The following EXOC6 variants were observed in gnomAD, a reference collection of about 807,000 sequenced individuals.
EXOC6 encodes exocyst complex component 6, also known as SEC15-like 1.
EXOC6 carries 60 observed loss-of-function variants against 112.5 expected under a neutral mutation model. The ratio of observed to expected loss-of-function variants is 0.53; its 90% CI spans 0.43 to 0.66. EXOC6 has a LOEUF of 0.66. Among genes scored for constraint, EXOC6 ranks in the 30% least tolerant of loss-of-function variants. The probability of loss-of-function intolerance (pLI) is 0.00; values close to 1 mark genes in which losing one functional copy is unlikely to be tolerated. For missense variants in EXOC6, 855 were observed against 957.1 expected (o/e 0.89, Z 1.41); for synonymous variants, 295 against 308.0 (o/e 0.96, Z 0.44).
chr10:93,036,874 C>G (rs1046040485), intron 20 of EXOC6, among the ~76,000 whole-genome samples: 1 of 152,154 alleles, frequency 6.6e-6, no homozygotes, highest in African/African-American at 2.4e-5. Flanking sequence ...TTTGTTTCCA[C>G]AGACTGTGCA....
chr10:92,902,807 A>G (rs940815767), intron 5 of EXOC6, among the ~76,000 whole-genome samples: 1 of 152,116 alleles, frequency 6.6e-6, no homozygotes, highest in African/African-American at 2.4e-5. Context: ...TCTGATTTTT[A>G]ACATCATAGG....
intron 19 of EXOC6, among the ~76,000 whole-genome samples, chr10:93,008,315 A>C (rs1844087044): frequency 6.6e-6 from 1 of 152,234 alleles, no homozygotes; most frequent in African/African-American, 2.4e-5. Flanking sequence ...AAGATTTGGA[A>C]TCTCTTAAAA....
chr10:92,861,183 G>C (rs1450495350), intron 1 of EXOC6, among the ~76,000 whole-genome samples: 1 of 152,134 alleles, frequency 6.6e-6, no homozygotes, highest in African/African-American at 2.4e-5. Flanking sequence ...GTGTCTTTGG[G>C]GAATTCTTTG....
intron 17 of EXOC6, among the ~76,000 whole-genome samples, chr10:92,962,507 AG>A (rs1854064726): frequency 6.6e-6 from 1 of 151,876 alleles, no homozygotes; most frequent in African/African-American, 2.4e-5. Flanking sequence ...CTCCCACCTC[AG>A]CCTCCCAAAT....
chr10:93,047,364 T>C (rs925887238), intron 20 of EXOC6, among the ~76,000 whole-genome samples: 1 of 150,752 alleles, frequency 6.6e-6, no homozygotes, highest in Non-Finnish European at 1.5e-5. Context: ...TGTGAAACGT[T>C]GTCTCTACTA....
chr10:92,896,001 ATATATATGTG>A (rs1299270739), intron 4 of EXOC6, among the ~76,000 whole-genome samples: 12 of 143,260 alleles, frequency 8.4e-5, no homozygotes, highest in African/African-American at 2.3e-4. Flanking sequence ...TTTATATTAT[ATATATATGTG>A]TATATATGTG....
chr10:92,991,255 G>A (rs931547219), intron 18 of EXOC6, among the ~76,000 whole-genome samples: 1 of 151,544 alleles, frequency 6.6e-6, no homozygotes, highest in South Asian at 2.1e-4. Flanking sequence ...GGCCAATATG[G>A]TGACACCCCG....
chr10:92,928,044 C>T (rs905399063), intron 8 of EXOC6, among the ~76,000 whole-genome samples: 7 of 152,176 alleles, frequency 4.6e-5, no homozygotes, highest in African/African-American at 1.7e-4. Context: ...GCTTCCCTCA[C>T]TGATAGCCAT....
At position 93,033,127 on chromosome 10, in the gene EXOC6, C is replaced by G. The variant is rs575083188; in HGVS notation, c.2169+18860C>G. Among the ~76,000 whole-genome samples the G allele has an allele frequency of 3.9e-5, 6 of 152,170 alleles. No homozygotes were observed. The South Asian group carries it at 1.0e-3, about 26-fold the overall frequency. On this transcript the variant is annotated intron_variant, in intron 20 of 21. Transcript: ENST00000260762. ...ATCATAGGTATGATGGGAAATCATT[C>G]AAGGGTTTCAAGCAGGTTAGTGTCA...
chr10:92,827,508 C>CAAAAAAAAAA (rs1846406583), intron 1 of EXOC6, among the ~76,000 whole-genome samples: 1 of 47,386 alleles, frequency 2.1e-5, no homozygotes, highest in Non-Finnish European at 6.0e-5. Flanking sequence ...AAAAAAAAAT[C>CAAAAAAAAAA]CCCATGTTGA....
intron 1 of EXOC6, among the ~76,000 whole-genome samples, chr10:92,840,008 T>C (rs1846786223): frequency 6.6e-6 from 1 of 152,092 alleles, no homozygotes; most frequent in African/African-American, 2.4e-5. Context: ...CAGGCACTTT[T>C]CCAAAAGCTG....
At position 92,892,548 on chromosome 10, in the gene EXOC6, C is replaced by T. The variant is rs142418348; in HGVS notation, c.102-801C>T. On this transcript the variant is annotated intron_variant, in intron 1 of 21. Transcript: ENST00000260762. ...AAAACTGTGTGGCCTCAGGCCTCACCGTGAGTCACACTGTTAGCATCTGCT... is the reference window on the plus strand; with the variant it reads ...AAAACTGTGTGGCCTCAGGCCTCACTGTGAGTCACACTGTTAGCATCTGCT... Among the ~76,000 whole-genome samples the T allele has an allele frequency of 6.3e-3, 956 of 152,318 alleles. 3 individuals carry two copies. Among genetic ancestry groups the T allele is most frequent in the Middle Eastern group, 0.014 (4 of 294 alleles).
chr10:93,020,862 C>T (rs558812251), intron 20 of EXOC6, among the ~76,000 whole-genome samples: 7 of 151,704 alleles, frequency 4.6e-5, no homozygotes, highest in African/African-American at 1.2e-4. Flanking sequence ...TTCCCACCCC[C>T]GCCCACTGCC....
At chr10:92,859,737 G>A (rs1053901674) in intron 1 of EXOC6, among the ~76,000 whole-genome samples, 5 of 152,086 alleles carry the variant, frequency 3.3e-5, no homozygotes, top group Non-Finnish European at 1.5e-5. Flanking sequence ...GAGGGGCTGA[G>A]TTTTTACCTT....
chr10:92,828,531 A>G (rs868295516), intron 1 of EXOC6, among the ~76,000 whole-genome samples: 1 of 151,506 alleles, frequency 6.6e-6, no homozygotes, highest in Non-Finnish European at 1.5e-5. Flanking sequence ...ACAGGGTTTC[A>G]CTATGTTGGC....
chr10:92,909,387 A>G, intron 5 of EXOC6, 40 bp from the exon 6 acceptor site: 2 of 1,409,884 alleles, frequency 1.4e-6, no homozygotes, highest in Non-Finnish European at 2.0e-6. Flanking sequence ...ATATTGTGAT[A>G]AGAACTTTTT....
At chr10:92,884,277 C>T (rs1197098017) in intron 1 of EXOC6, among the ~76,000 whole-genome samples, 1 of 152,166 alleles carries the variant, frequency 6.6e-6, no homozygotes, top group East Asian at 1.9e-4. Context: ...AGTGTCAATG[C>T]CCAGGGATTC....
chr10:92,925,846 T>A, intron 8 of EXOC6, among the ~76,000 whole-genome samples: 1 of 151,964 alleles, frequency 6.6e-6, no homozygotes, highest in Non-Finnish European at 1.5e-5. Flanking sequence ...AAATTTTTTT[T>A]AAAGAGATAG....
chr10:93,027,846 T>C (rs902407408), intron 20 of EXOC6, among the ~76,000 whole-genome samples: 6 of 152,246 alleles, frequency 3.9e-5, no homozygotes, highest in African/African-American at 1.4e-4. Context: ...CAGCATTCAT[T>C]CTGCAGCCCA....
Sources: gnomAD v4.1 joint callset for allele counts (sites outside exome capture counted in the v4.1 genomes callset) on GRCh38, gnomAD v4.1.1 for gene constraint, MANE v1.5 for transcripts, NCBI Gene and HGNC (gene_info 2026-07-23, HGNC 2026-07-21) for gene names.